GLCCI1: variants seen among roughly 807,000 people sequenced by gnomAD.
GLCCI1 encodes glucocorticoid induced 1, also known as glucocorticoid-induced transcript 1 protein.
GLCCI1 carries 24 observed loss-of-function variants against 52.2 expected under a neutral mutation model. That is an observed-to-expected ratio of 0.46 (90% CI 0.33 to 0.65). GLCCI1 has a LOEUF of 0.65. GLCCI1 is among the 30% of genes least tolerant of loss of function. The pLI is 0.02. For missense variants in GLCCI1, 704 were observed against 701.5 expected, an observed-to-expected ratio of 1.00 and a Z score of -0.04; for synonymous variants, 310 against 276.5, an observed-to-expected ratio of 1.12 and a Z score of -1.20.
At chr7:8,070,717 A>G in intron 5 of GLCCI1, 1 of 535,366 alleles carries the variant, frequency 1.9e-6, no homozygotes, top group Non-Finnish European at 3.3e-6. Context: ...TTTAAGGCAA[A>G]CAATTTGATT....
At chr7:8,071,199 A>C in intron 6 of GLCCI1, 68 bp downstream of exon 6, 1 of 1,213,574 alleles carries the variant, frequency 8.2e-7, no homozygotes. Flanking sequence ...GTCTTAGACC[A>C]TTACATCTTT....
chr7:8,081,061 G>A (rs567000804), intron 6 of GLCCI1, among the ~76,000 whole-genome samples: 2 of 152,206 alleles, frequency 1.3e-5, no homozygotes, highest in South Asian at 4.1e-4. Flanking sequence ...AGAGGGATCA[G>A]ACTTACCCTA....
intron 5 of GLCCI1, among the ~76,000 whole-genome samples, chr7:8,064,947 A>C (rs915759818): frequency 6.6e-6 from 1 of 152,020 alleles, no homozygotes; most frequent in African/African-American, 2.4e-5. Context: ...CGATCTCCTG[A>C]CCGCGTGATC....
Position 8,087,379 on chromosome 7 carries a change from C to G in GLCCI1, c.*841C>G, listed in dbSNP as rs945696471. 2 of 152,618 alleles carry G rather than the reference C, an allele frequency of 1.3e-5. No homozygotes were observed. The highest frequency in any genetic ancestry group is 2.9e-5 in the Non-Finnish European group (2 of 68,032). The allele number at this position is 152,618 out of a possible 1,614,324, so 9.5% of individuals were successfully genotyped here. On this transcript the variant is annotated 3_prime_UTR_variant, in exon 8 of 8. Coordinates refer to ENST00000223145, the MANE Select transcript of GLCCI1 (RefSeq NM_138426.4). Reference sequence around the variant, plus strand: ...GGCTTTTTTAAAAGTTCAGGTGTTGCTCAGTAAAGGACTGTGACAATGTTG... The same window carrying G: ...GGCTTTTTTAAAAGTTCAGGTGTTGGTCAGTAAAGGACTGTGACAATGTTG...
chr7:8,028,982 C>G (rs528717128), intron 3 of GLCCI1, among the ~76,000 whole-genome samples: 3 of 152,220 alleles, frequency 2.0e-5, no homozygotes, highest in African/African-American at 7.2e-5. Context: ...AAAGAAAAGC[C>G]TGGGACCCAA....
At chr7:7,987,877 C>T (rs1780768052) in intron 1 of GLCCI1, among the ~76,000 whole-genome samples, 1 of 152,106 alleles carries the variant, frequency 6.6e-6, no homozygotes, top group Admixed American at 6.6e-5. Context: ...GAGTGAGCCA[C>T]CATTTTATTT....
At chr7:7,986,380 GA>G (rs201005773) in intron 1 of GLCCI1, among the ~76,000 whole-genome samples, 13 of 80,506 alleles carry the variant, frequency 1.6e-4, no homozygotes, top group East Asian at 5.7e-4. Context: ...GGAGCAGGGG[GA>G]GGGGGGGGTG....
intron 2 of GLCCI1, among the ~76,000 whole-genome samples, chr7:8,021,381 A>G (rs1407336512): frequency 6.6e-6 from 1 of 152,182 alleles, no homozygotes; most frequent in Non-Finnish European, 1.5e-5. Flanking sequence ...AAGTCTTCTC[A>G]TGTATTAAAG....
intron 3 of GLCCI1, among the ~76,000 whole-genome samples, chr7:8,028,476 A>T (rs1781670162): frequency 6.6e-6 from 1 of 152,172 alleles, no homozygotes; most frequent in Non-Finnish European, 1.5e-5. Flanking sequence ...CTAAGAGGGA[A>T]ATTTATAGCT....
intron 6 of GLCCI1, among the ~76,000 whole-genome samples, chr7:8,081,672 A>T (rs1005720529): frequency 2.6e-5 from 4 of 152,226 alleles, no homozygotes; most frequent in Non-Finnish European, 4.4e-5. Context: ...TTGTTTCTAT[A>T]TGAAATTCCA....
intron 1 of GLCCI1, among the ~76,000 whole-genome samples, chr7:7,998,672 A>G (rs544782692): frequency 1.3e-5 from 2 of 152,216 alleles, no homozygotes; most frequent in East Asian, 3.9e-4. Context: ...TTTTGTATTT[A>G]GGTTTTAAGG....
chr7:7,970,890 G>A (rs1029905378), intron 1 of GLCCI1, among the ~76,000 whole-genome samples: 4 of 152,068 alleles, frequency 2.6e-5, no homozygotes, highest in African/African-American at 9.7e-5. Flanking sequence ...GCTTGGAAGG[G>A]AAACACTGTC....
At chr7:8,056,007 AC>A (rs1463296432) in intron 4 of GLCCI1, among the ~76,000 whole-genome samples, 7 of 140,320 alleles carry the variant, frequency 5.0e-5, no homozygotes, top group African/African-American at 8.0e-5. Flanking sequence ...AAAAAAAAAA[AC>A]AAAAACCAGC....
intron 1 of GLCCI1, among the ~76,000 whole-genome samples, chr7:7,990,741 A>G (rs1780824035): frequency 6.6e-6 from 1 of 152,108 alleles, no homozygotes; most frequent in Non-Finnish European, 1.5e-5. Context: ...ATTTTGGATA[A>G]GCTACTGCTT....
At chr7:8,019,691 G>A (rs184969101) in intron 2 of GLCCI1, among the ~76,000 whole-genome samples, 2 of 152,258 alleles carry the variant, frequency 1.3e-5, no homozygotes, top group East Asian at 3.9e-4. Context: ...GGCATAGCCC[G>A]TTGCTCTTAG....
intron 3 of GLCCI1, among the ~76,000 whole-genome samples, chr7:8,043,360 A>G (rs1583995482): frequency 1.3e-5 from 2 of 151,778 alleles, no homozygotes; most frequent in African/African-American, 2.4e-5. Flanking sequence ...CATAGGCAGT[A>G]TAGAGTAGGT....
intron 2 of GLCCI1, among the ~76,000 whole-genome samples, chr7:8,016,191 C>T (rs1044173825): frequency 7.9e-5 from 12 of 152,274 alleles, no homozygotes; most frequent in African/African-American, 2.6e-4. Flanking sequence ...TAAGATCGCC[C>T]GGGCGCGGTG....
chr7:7,997,242 A>G (rs1038658384), intron 1 of GLCCI1, among the ~76,000 whole-genome samples: 9 of 152,150 alleles, frequency 5.9e-5, no homozygotes, highest in African/African-American at 1.9e-4. Flanking sequence ...CATTGTCTAT[A>G]ACTGCAAGGC....
chr7:8,084,107 A>C (rs1322411872), intron 6 of GLCCI1, among the ~76,000 whole-genome samples: 1 of 152,238 alleles, frequency 6.6e-6, no homozygotes, highest in Non-Finnish European at 1.5e-5. Flanking sequence ...TTGGCCTCTT[A>C]TAAAAATAAT....
Sources: gnomAD v4.1 joint callset for allele counts (sites outside exome capture counted in the v4.1 genomes callset) on GRCh38, gnomAD v4.1.1 for gene constraint, MANE v1.5 for transcripts, NCBI Gene and HGNC (gene_info 2026-07-23, HGNC 2026-07-21) for gene names.